Variants in SORD observed in about 807,000 individuals in gnomAD.
SORD encodes the protein (R,R)-butanediol dehydrogenase.
SORD carries 18 observed loss-of-function variants against 35.6 expected under a neutral mutation model. That is an observed-to-expected ratio of 0.51 (90% CI 0.35 to 0.75). SORD has a LOEUF of 0.75. Ranked by LOEUF, SORD falls within the 30% of genes least tolerant of loss-of-function variation. SORD has a pLI of 0.01. For missense variants in SORD, 250 were observed against 390.2 expected (o/e 0.64, Z 3.03); for synonymous variants, 106 against 152.9 (o/e 0.69, Z 2.26).
At chr15:45,057,548 G>T (rs982487122) in intron 3 of SORD, among the ~76,000 whole-genome samples, 1 of 152,230 alleles carries the variant, frequency 6.6e-6, no homozygotes, top group Non-Finnish European at 1.5e-5. Flanking sequence ...ACTTTGGGAG[G>T]CTGAGGTGGG....
chr15:45,062,984 T>A (rs1353000906), intron 4 of SORD, among the ~76,000 whole-genome samples: 1 of 148,646 alleles, frequency 6.7e-6, no homozygotes, highest in East Asian at 1.9e-4. Flanking sequence ...TATGCCATAG[T>A]CATGGCCTAG....
chr15:45,029,927 G>A lies in SORD; in HGVS notation c.66+6578G>A, dbSNP rs532151095. Among the ~76,000 whole-genome samples the A allele has an allele frequency of 3.3e-5, 5 of 152,368 alleles. No individual in the cohort carries two copies. In the East Asian group the frequency reaches 7.7e-4, roughly 23 times the overall value. On this transcript the variant is annotated intron_variant, in intron 1 of 8. Coordinates refer to ENST00000267814, the MANE Select transcript of SORD (RefSeq NM_003104.6). Reference sequence around the variant, plus strand: ...TCTTTATAGGCACAGGATAGGAAGTGCGTATTGATGGGTTTGTGAGTATGC... The same window carrying A: ...TCTTTATAGGCACAGGATAGGAAGTACGTATTGATGGGTTTGTGAGTATGC...
At chr15:45,044,400 G>T (rs1334067158) in intron 3 of SORD, among the ~76,000 whole-genome samples, 1 of 151,630 alleles carries the variant, frequency 6.6e-6, no homozygotes, top group African/African-American at 2.4e-5. Flanking sequence ...AAAATGAGCA[G>T]ATATGATCCC....
intron 1 of SORD, among the ~76,000 whole-genome samples, chr15:45,024,482 A>G (rs2470674): frequency 1.1e-4 from 17 of 152,162 alleles, no homozygotes; most frequent in Admixed American, 3.3e-4. Context: ...TGAAGAAAGT[A>G]CCATACCCAA....
At chr15:45,052,331 G>A (rs1893138750) in intron 3 of SORD, among the ~76,000 whole-genome samples, 2 of 152,224 alleles carry the variant, frequency 1.3e-5, no homozygotes, top group South Asian at 2.1e-4. Flanking sequence ...ACAGCACTGA[G>A]GCTAAAAGTT....
At chr15:45,050,502 T>C (rs974166800) in intron 3 of SORD, 1 of 152,254 alleles carries the variant, frequency 6.6e-6, no homozygotes, top group African/African-American at 2.4e-5. Context: ...CATTCTTTAC[T>C]CACCACAGTT....
chr15:45,063,658 T>C (rs1438898690), intron 4 of SORD, among the ~76,000 whole-genome samples: 1 of 152,130 alleles, frequency 6.6e-6, no homozygotes, highest in Non-Finnish European at 1.5e-5. Flanking sequence ...CCTTCCCCAA[T>C]CCCATCTCTC....
At chr15:45,068,404 G>A (rs983228249) in intron 6 of SORD, among the ~76,000 whole-genome samples, 158 bp downstream of exon 6, 1 of 151,992 alleles carries the variant, frequency 6.6e-6, no homozygotes, top group African/African-American at 2.4e-5. Context: ...TGTGTGTTTT[G>A]TGTTAGGAGA....
chr15:45,050,030 A>C (rs1039592584), intron 3 of SORD, among the ~76,000 whole-genome samples: 2 of 152,250 alleles, frequency 1.3e-5, no homozygotes, highest in Non-Finnish European at 2.9e-5. Flanking sequence ...ATTTCTACAT[A>C]GGCTTTTAAA....
In SORD at chr15:45,065,329, A is replaced by T. The variant is rs2141124304; in HGVS notation, c.484A>T (p.Ile162Phe). ...GALIEPLSVGIHACRRGGVTL... is the reference protein window; with the variant it reads ...GALIEPLSVGFHACRRGGVTL... ...CCTGATCGAGCCACTTTCTGTGGGG[A>T]TCCATGCCTGCAGGAGAGGCGGAGT... The change falls in exon 5 of 9, where the codon ATC (isoleucine) becomes TTC (phenylalanine). Residue 162 changes from isoleucine (I) to phenylalanine (F), a missense_variant. Ile to Phe is a conservative substitution (Grantham distance 21). Coordinates refer to ENST00000267814, the MANE Select transcript of SORD (RefSeq NM_003104.6). 3.1e-6 allele frequency: 5 copies of T among 1,613,926 alleles called. No individual in the cohort carries two copies. In the East Asian group the frequency reaches 1.1e-4, roughly 36 times the overall value.
Position 45,023,314 on chromosome 15 carries a change from T to A in SORD, c.31T>A (p.Ser11Thr). The stretch of plus-strand genomic sequence containing the variant: ...GGCGGCGGCCAAGCCCAACAACCTT[T>A]CCCTGGTGGTGCACGGACCGGGGGA... MAAAAKPNNL[S>T]LVVHGPGDLR... The change falls in exon 1 of 9, where the codon TCC becomes ACC. Residue 11 changes from serine (S) to threonine (T), a missense_variant. Coordinates refer to ENST00000267814, the MANE Select transcript of SORD (RefSeq NM_003104.6). 1 of 1,590,904 alleles carries A rather than the reference T, an allele frequency of 6.3e-7. No homozygotes were observed. The highest frequency in any genetic ancestry group is 1.4e-5 in the African/African-American group (1 of 73,676).
chr15:45,044,702 CTTTTTTTT>C (rs58726175), intron 3 of SORD, among the ~76,000 whole-genome samples: 1 of 114,498 alleles, frequency 8.7e-6, no homozygotes, highest in East Asian at 2.4e-4. Context: ...CTTTCTTTTT[CTTTTTTTT>C]TTTTTTTTGA....
chr15:45,026,918 CCA>C lies in SORD; in HGVS notation c.66+3574_66+3575del, dbSNP rs529580823. 3.7e-3 allele frequency among the ~76,000 whole-genome samples: 556 copies of C among 152,242 alleles called. 2 individuals are homozygous for C. The highest frequency in any genetic ancestry group is 0.013 in the African/African-American group (536 of 41,504). ...CTTTAACTGGCAGGAAGGAAACCTACCACACAGCCTCCCTACTGCCTAAGGAG... is the reference window on the plus strand; with the variant it reads ...CTTTAACTGGCAGGAAGGAAACCTACCACAGCCTCCCTACTGCCTAAGGAG... On this transcript the variant is annotated intron_variant, in intron 1 of 8. Coordinates refer to ENST00000267814, the MANE Select transcript of SORD (RefSeq NM_003104.6).
chr15:45,035,229 G>T (rs1221769600), intron 1 of SORD, among the ~76,000 whole-genome samples: 1 of 152,188 alleles, frequency 6.6e-6, no homozygotes, highest in East Asian at 1.9e-4. Flanking sequence ...GGCGCACGGT[G>T]CGGGACTGGC....
intron 3 of SORD, among the ~76,000 whole-genome samples, chr15:45,053,256 A>T (rs1893157947): frequency 6.6e-6 from 1 of 152,206 alleles, no homozygotes; most frequent in Admixed American, 6.5e-5. Context: ...ATCCTATCAG[A>T]CTGGGTCTGG....
chr15:45,039,204 C>T (rs1233017447), intron 1 of SORD, among the ~76,000 whole-genome samples: 2 of 152,090 alleles, frequency 1.3e-5, no homozygotes, highest in Non-Finnish European at 2.9e-5. Context: ...TCTGGGCTCA[C>T]TGCTACCTCC....
At position 45,076,991 on chromosome 15, in the gene SORD, AT is replaced by A; in HGVS notation, c.*3462del. On this transcript the variant is annotated 3_prime_UTR_variant, in exon 9 of 9. Transcript: ENST00000267814. ...GTCTTCTGGATACCGTTTTACAAACATACTTGTTTTCATTTAATAAATGGCT... is the reference window on the plus strand; with the variant it reads ...GTCTTCTGGATACCGTTTTACAAACAACTTGTTTTCATTTAATAAATGGCT... 6.7e-6 allele frequency: 1 copy of A among 149,748 alleles called. No homozygotes were observed. Among genetic ancestry groups the A allele is most frequent in the African/African-American group, 2.6e-5 (1 of 39,080 alleles). The allele number at this position is 149,748 out of a possible 1,614,324, so 9.3% of individuals were successfully genotyped here.
intron 3 of SORD, among the ~76,000 whole-genome samples, chr15:45,059,706 T>G (rs2141279271): frequency 6.6e-6 from 1 of 152,342 alleles, no homozygotes; most frequent in Non-Finnish European, 1.5e-5. Context: ...TATGTTGCTC[T>G]TGAACTCCTG....
At chr15:45,060,464 A>G (rs532373970) in intron 3 of SORD, among the ~76,000 whole-genome samples, 2 of 152,248 alleles carry the variant, frequency 1.3e-5, no homozygotes, top group Admixed American at 6.5e-5. Context: ...AGCCTCAAGT[A>G]TTACTCTCTA....
Sources: gnomAD v4.1 joint callset for allele counts (sites outside exome capture counted in the v4.1 genomes callset) on GRCh38, gnomAD v4.1.1 for gene constraint, MANE v1.5 for transcripts, NCBI Gene and HGNC (gene_info 2026-07-23, HGNC 2026-07-21) for gene names.